The following ITGA2 variants were observed in gnomAD, a reference collection of about 807,000 sequenced individuals.
ITGA2 encodes the protein integrin subunit alpha 2.
Under a neutral mutation model 146.3 loss-of-function variants are expected in ITGA2, and 101 were observed. The ratio of observed to expected loss-of-function variants is 0.69; its 90% confidence interval spans 0.59 to 0.81. The LOEUF is 0.81. ITGA2 is among the 40% of genes least tolerant of loss of function. The pLI, the probability that ITGA2 is intolerant of heterozygous loss-of-function variation, is 0.00. For synonymous variants in ITGA2, 477 were observed against 487.1 expected (o/e 0.98, Z 0.27); for missense variants, 1,281 against 1,402.7 (o/e 0.91, Z 1.39).
chr5:53,076,651 C>G (rs1745678041), intron 23 of ITGA2, among the ~76,000 whole-genome samples: 1 of 151,872 alleles, frequency 6.6e-6, no homozygotes, highest in Non-Finnish European at 1.5e-5. Flanking sequence ...TCAATACAGT[C>G]TTTTTATTAT....
chr5:52,998,783 G>A (rs1269347379), intron 1 of ITGA2, among the ~76,000 whole-genome samples: 15 of 152,100 alleles, frequency 9.9e-5, no homozygotes, highest in Admixed American at 9.8e-4. Context: ...AAGGGTTCTT[G>A]GCACCATTTT....
At chr5:53,038,676 A>AG (rs1282715717) in intron 2 of ITGA2, among the ~76,000 whole-genome samples, 5 of 152,180 alleles carry the variant, frequency 3.3e-5, no homozygotes, top group African/African-American at 1.2e-4. Flanking sequence ...CACTAGCCTA[A>AG]GCGTTAAGAA....
intron 1 of ITGA2, 98 bp downstream of exon 1, chr5:52,989,630 G>A (rs527490364): frequency 1.3e-5 from 17 of 1,331,574 alleles, no homozygotes; most frequent in Middle Eastern, 4.1e-4. Flanking sequence ...AGCGAGCTCC[G>A]TGTGTTCCCT....
chr5:53,076,745 T>C (rs908913512), intron 23 of ITGA2, among the ~76,000 whole-genome samples: 1 of 152,118 alleles, frequency 6.6e-6, no homozygotes, highest in African/African-American at 2.4e-5. Flanking sequence ...TTACTTTTAC[T>C]AATTATCATC....
intron 2 of ITGA2, among the ~76,000 whole-genome samples, chr5:53,034,836 T>C (rs1743405670): frequency 6.6e-6 from 1 of 152,134 alleles, no homozygotes. Flanking sequence ...CTGTGCCCCA[T>C]ATGATGGGAA....
intron 1 of ITGA2, among the ~76,000 whole-genome samples, chr5:53,003,957 GT>G (rs1003859149): frequency 3.3e-5 from 5 of 152,070 alleles, no homozygotes; most frequent in Admixed American, 6.5e-5. Context: ...CCCATTTGTT[GT>G]TTAGACCAGT....
chr5:53,094,122 T>A lies in ITGA2; in HGVS notation c.*3523T>A, dbSNP rs937157380. 2 of 152,428 alleles carry A rather than the reference T, an allele frequency of 1.3e-5. No homozygotes were observed. Among genetic ancestry groups the A allele is most frequent in the African/African-American group, 4.8e-5 (2 of 41,428 alleles). 9.4% of individuals were successfully genotyped at this position (152,428 alleles called of 1,614,324 possible). A position where few individuals can be genotyped will look rare whatever the true frequency, so the allele number is the denominator to read the frequency against. On this transcript the variant is annotated 3_prime_UTR_variant, in exon 30 of 30. Transcript: ENST00000296585. ...GAAAATCTCAAAAATTAAGACATCA[T>A]CATACAGAAGGCAGGATTCCTTAAA...
At chr5:53,004,890 C>CTTT (rs1579784288) in intron 1 of ITGA2, among the ~76,000 whole-genome samples, 1 of 53,808 alleles carries the variant, frequency 1.9e-5, no homozygotes, top group East Asian at 7.7e-4. Flanking sequence ...AGTTTAGTTG[C>CTTT]TTTGTTTTTT....
chr5:53,026,657 C>A, intron 1 of ITGA2, 91 bp from the exon 2 acceptor site: 2 of 1,171,944 alleles, frequency 1.7e-6, no homozygotes, highest in Non-Finnish European at 2.5e-6. Context: ...TTAGGTCAAG[C>A]AAGTTTTCTT....
chr5:53,074,924 CA>C, intron 21 of ITGA2, 136 bp from the exon 22 acceptor site: 1 of 665,276 alleles, frequency 1.5e-6, no homozygotes, highest in South Asian at 1.8e-5. Context: ...AGATATTCCA[CA>C]AATTTGAAAG....
At position 53,054,098 on chromosome 5, in the gene ITGA2, T is replaced by C. The variant is rs376687828; in HGVS notation, c.780-1440T>C. Among the ~76,000 whole-genome samples, 6 of 152,258 alleles carry C rather than the reference T, an allele frequency of 3.9e-5. No individual in the cohort carries two copies. The East Asian group carries it at 7.7e-4, about 20-fold the overall frequency. On this transcript the variant is annotated intron_variant, in intron 7 of 29. Coordinates refer to ENST00000296585, the MANE Select transcript of ITGA2 (RefSeq NM_002203.4). ...TACATTATAGAATACAAAAAAGATT[T>C]TAGGAAATAAAATGATATGCTCAGT... is the stretch of plus-strand genomic sequence containing the variant.
At chr5:53,017,494 A>G (rs1016799874) in intron 1 of ITGA2, among the ~76,000 whole-genome samples, 4 of 152,154 alleles carry the variant, frequency 2.6e-5, no homozygotes, top group African/African-American at 9.7e-5. Flanking sequence ...ATTGTCCACA[A>G]CACTCCGATG....
At chr5:53,040,190 G>A (rs1168593292) in intron 2 of ITGA2, among the ~76,000 whole-genome samples, 1 of 152,120 alleles carries the variant, frequency 6.6e-6, no homozygotes, top group African/African-American at 2.4e-5. Flanking sequence ...AGCTAAATTC[G>A]ATATGACTGA....
At position 53,079,057 on chromosome 5, in the gene ITGA2, G is replaced by A. The variant is rs149700015; in HGVS notation, c.2928+183G>A. 9.6e-4 allele frequency among the ~76,000 whole-genome samples: 146 copies of A among 152,252 alleles called. 1 individual carries two copies. Among genetic ancestry groups the A allele is most frequent in the African/African-American group, 3.1e-3 (128 of 41,570 alleles). On this transcript the variant is annotated intron_variant, in intron 24 of 29. Coordinates refer to ENST00000296585, the MANE Select transcript of ITGA2 (RefSeq NM_002203.4). ...ACAGATGCTGGGCTTTATCTCCAGC[G>A]TTTCTGATTCAGTAGGTCTAGGGTG... is the stretch of plus-strand genomic sequence containing the variant.
chr5:53,056,163 C>G lies in ITGA2; in HGVS notation c.1096+14C>G. The G allele has an allele frequency of 1.2e-6, 2 of 1,607,826 alleles. No individual in the cohort carries two copies. Among genetic ancestry groups the G allele is most frequent in the Non-Finnish European group, 1.7e-6 (2 of 1,176,118 alleles). On this transcript the variant is annotated intron_variant, in intron 9 of 29. Transcript: ENST00000296585. ...TCAGCATTGAAGGTAAAAAAAATAA[C>G]CTCCTTTCAAGAATTTTCTTCAAAA...
intron 1 of ITGA2, among the ~76,000 whole-genome samples, chr5:53,013,233 T>C (rs1012073045): frequency 6.6e-6 from 1 of 152,190 alleles, no homozygotes; most frequent in African/African-American, 2.4e-5. Flanking sequence ...CTTTCAGGTT[T>C]TGCATTTAAG....
chr5:53,060,446 AG>A (rs1744852686), intron 11 of ITGA2, among the ~76,000 whole-genome samples: 1 of 151,948 alleles, frequency 6.6e-6, no homozygotes, highest in Non-Finnish European at 1.5e-5. Context: ...CAAGTCTTTC[AG>A]GGATGTTTTG....
intron 1 of ITGA2, among the ~76,000 whole-genome samples, chr5:53,012,651 T>A (rs1288673754): frequency 6.6e-6 from 1 of 152,112 alleles, no homozygotes; most frequent in Non-Finnish European, 1.5e-5. Flanking sequence ...GATAATTGTG[T>A]TTTAAGTTCT....
At chr5:53,050,302 T>G (rs937051668) in intron 6 of ITGA2, among the ~76,000 whole-genome samples, 1 of 152,190 alleles carries the variant, frequency 6.6e-6, no homozygotes, top group Admixed American at 6.5e-5. Flanking sequence ...CTGTAAGTTC[T>G]AACCTACCAC....
Sources: allele counts gnomAD v4.1 joint callset (sites outside exome capture counted in the v4.1 genomes callset), GRCh38; gene constraint gnomAD v4.1.1; transcripts MANE v1.5; gene names NCBI Gene and HGNC (gene_info 2026-07-23, HGNC 2026-07-21).